Variants in EEF1AKMT2 observed in about 807,000 individuals in gnomAD.
EEF1AKMT2 encodes EEF1A lysine methyltransferase 2.
EEF1AKMT2 carries 32 observed loss-of-function variants against 35.8 expected under a neutral mutation model. The ratio of observed to expected loss-of-function variants is 0.89; its 90% CI spans 0.67 to 1.20. The LOEUF (loss-of-function observed/expected upper bound fraction) is 1.20. Among genes scored for constraint, EEF1AKMT2 ranks in the 50% most tolerant of loss-of-function variants. EEF1AKMT2 has a pLI of 0.00. For synonymous variants in EEF1AKMT2, 121 were observed against 133.7 expected, an observed-to-expected ratio of 0.91 and a Z score of 0.65; for missense variants, 330 against 347.5, an observed-to-expected ratio of 0.95 and a Z score of 0.40.
chr10:124,763,410 T>G (rs772643492), intron 5 of EEF1AKMT2, among the ~76,000 whole-genome samples: 3 of 152,238 alleles, frequency 2.0e-5, no homozygotes, highest in South Asian at 4.1e-4. Flanking sequence ...AGCTTTATTT[T>G]ATGCAAAGAG....
chr10:124,776,597 G>A (rs1008931507), intron 3 of EEF1AKMT2, among the ~76,000 whole-genome samples: 1 of 151,968 alleles, frequency 6.6e-6, no homozygotes, highest in African/African-American at 2.4e-5. Context: ...AGACCAGCCT[G>A]GCCAACACGG....
At chr10:124,756,757 T>C (rs923079800), downstream of EEF1AKMT2, among the ~76,000 whole-genome samples, 1 of 152,216 alleles carries the variant, frequency 6.6e-6, no homozygotes, top group Non-Finnish European at 1.5e-5. Context: ...GAGCTGGTTT[T>C]ATTCAGCATT....
At chr10:124,760,566 T>C in intron 6 of EEF1AKMT2, 63 bp from the exon 7 acceptor site, 3 of 1,271,254 alleles carry the variant, frequency 2.4e-6, no homozygotes, top group Non-Finnish European at 3.4e-6. Context: ...TGTATTTATA[T>C]GCATGCATTA....
intron 3 of EEF1AKMT2, among the ~76,000 whole-genome samples, chr10:124,785,895 CAAAAAAAA>C (rs34637624): frequency 1.7e-5 from 1 of 59,464 alleles, no homozygotes; most frequent in South Asian, 9.0e-4. Flanking sequence ...GACTCTGTCT[CAAAAAAAA>C]AAAAAAAAAA....
intron 2 of EEF1AKMT2, among the ~76,000 whole-genome samples, chr10:124,789,410 G>C (rs1950614963): frequency 6.6e-6 from 1 of 152,160 alleles, no homozygotes; most frequent in Non-Finnish European, 1.5e-5. Flanking sequence ...TGGTGTCTCA[G>C]AATTTTATTG....
chr10:124,771,315 G>A (rs575749027), intron 4 of EEF1AKMT2, among the ~76,000 whole-genome samples: 1 of 151,628 alleles, frequency 6.6e-6, no homozygotes, highest in Non-Finnish European at 1.5e-5. Context: ...TAGCCAGGAT[G>A]GTCTTGATCT....
At chr10:124,768,763 G>GA (rs1053785467) in intron 4 of EEF1AKMT2, among the ~76,000 whole-genome samples, 4 of 151,686 alleles carry the variant, frequency 2.6e-5, no homozygotes, top group Non-Finnish European at 5.9e-5. Context: ...AAATAACAAA[G>GA]AAAAAATCAC....
Position 124,789,105 on chromosome 10 carries a change from T to A in EEF1AKMT2, c.229A>T (p.Ile77Phe), listed in dbSNP as rs1950612947. 6.2e-7 allele frequency: 1 copy of A among 1,613,774 alleles called. No individual in the cohort carries two copies. Among genetic ancestry groups the A allele is most frequent in the Admixed American group, 1.7e-5 (1 of 59,990 alleles). The change falls in exon 3 of 7, where the codon ATT becomes TTT. Residue 77 changes from isoleucine (I) to phenylalanine (F), a missense_variant. By Grantham distance (21) the Ile-to-Phe change is conservative. Coordinates refer to ENST00000368836, the MANE Select transcript of EEF1AKMT2 (RefSeq NM_212554.4). ...RLIRWMQKHK[I>F]PLDASVLDIG... ...TCAAGCACTGAAGCATCCAGTGGAA[T>A]CTTGTGTTTCTGCATCCACCTTATT...
intron 4 of EEF1AKMT2, among the ~76,000 whole-genome samples, chr10:124,768,812 G>A (rs1472394673): frequency 6.6e-6 from 1 of 152,042 alleles, no homozygotes; most frequent in East Asian, 1.9e-4. Context: ...AGAGCAGCAT[G>A]AGTGGAAATG....
chr10:124,777,520 A>ATTTT (rs113188210), intron 3 of EEF1AKMT2, among the ~76,000 whole-genome samples: 1 of 140,638 alleles, frequency 7.1e-6, no homozygotes, highest in Non-Finnish European at 1.6e-5. Flanking sequence ...GTACCTAAAG[A>ATTTT]TTTTTTTTTT....
chr10:124,769,565 A>G (rs1657001975), intron 4 of EEF1AKMT2, among the ~76,000 whole-genome samples: 1 of 152,144 alleles, frequency 6.6e-6, no homozygotes, highest in Non-Finnish European at 1.5e-5. Flanking sequence ...AAGTCACACA[A>G]AATTTTTGGT....
intron 3 of EEF1AKMT2, among the ~76,000 whole-genome samples, chr10:124,781,556 A>G (rs1373123430): frequency 2.1e-5 from 3 of 145,398 alleles, no homozygotes; most frequent in Non-Finnish European, 4.5e-5. Context: ...GTGCCACTGC[A>G]CTCCAGCCTG....
At chr10:124,757,470 A>G (rs894645296), downstream of EEF1AKMT2, among the ~76,000 whole-genome samples, 3 of 152,186 alleles carry the variant, frequency 2.0e-5, no homozygotes, top group African/African-American at 7.2e-5. Context: ...TTAACATAGC[A>G]GGGATACACT....
At chr10:124,786,115 A>C (rs1202142412) in intron 3 of EEF1AKMT2, among the ~76,000 whole-genome samples, 1 of 152,108 alleles carries the variant, frequency 6.6e-6, no homozygotes, top group Non-Finnish European at 1.5e-5. Flanking sequence ...CTCCTATGGT[A>C]CTAGAAATGT....
chr10:124,767,275 A>G (rs1181533021), intron 4 of EEF1AKMT2, among the ~76,000 whole-genome samples: 2 of 151,242 alleles, frequency 1.3e-5, no homozygotes, highest in Non-Finnish European at 2.9e-5. Context: ...ACACTTAGGG[A>G]GGCCAAGGCA....
At chr10:124,773,316 G>GTT (rs997803123) in intron 4 of EEF1AKMT2, among the ~76,000 whole-genome samples, 1 of 151,432 alleles carries the variant, frequency 6.6e-6, no homozygotes, top group African/African-American at 2.4e-5. Context: ...TCCTGCCTCT[G>GTT]TTTTTTTTTA....
intron 3 of EEF1AKMT2, among the ~76,000 whole-genome samples, chr10:124,788,710 T>TTATATTTATATATATATATATATATA (rs1950608629): frequency 2.2e-5 from 2 of 92,506 alleles, no homozygotes; most frequent in African/African-American, 6.7e-5. Flanking sequence ...AAGGTCATCT[T>TTATATTTATATATATATATATATATA]TATATATATA....
chr10:124,777,291 A>G lies in EEF1AKMT2; in HGVS notation c.292-2509T>C, dbSNP rs184147514. Among the ~76,000 whole-genome samples the G allele has an allele frequency of 6.8e-4, 103 of 152,170 alleles. No homozygotes were observed. In the East Asian group the frequency reaches 0.016, roughly 24 times the overall value. ...CAAAACTCTGACTCAAAAAAAAAAA[A>G]AAAAAGAAAAAAAGACAGAATATAG... On this transcript the variant is annotated intron_variant, in intron 3 of 6. Transcript: ENST00000368836.
At chr10:124,782,353 C>T (rs919433752) in intron 3 of EEF1AKMT2, among the ~76,000 whole-genome samples, 2 of 151,752 alleles carry the variant, frequency 1.3e-5, no homozygotes, top group East Asian at 1.9e-4. Flanking sequence ...GAGGCCGAGG[C>T]GGGAGGATCA....
Sources: gnomAD v4.1 joint callset for allele counts (sites outside exome capture counted in the v4.1 genomes callset) on GRCh38, gnomAD v4.1.1 for gene constraint, MANE v1.5 for transcripts, NCBI Gene and HGNC (gene_info 2026-07-23, HGNC 2026-07-21) for gene names.